RHBDL2: variants seen among roughly 807,000 people sequenced by gnomAD.
RHBDL2 encodes the protein rhomboid-related protein 2.
In RHBDL2, 26 loss-of-function variants were observed where a neutral mutation model predicts 31.7. The ratio of observed to expected loss-of-function variants is 0.82; its 90% CI spans 0.60 to 1.14. The LOEUF is 1.14. Ranked by LOEUF, RHBDL2 falls within the 50% of genes most tolerant of loss-of-function variation. The pLI, the probability that RHBDL2 is intolerant of heterozygous loss-of-function variation, is 0.00. For synonymous variants in RHBDL2, 123 were observed against 127.2 expected (o/e 0.97, Z 0.22); for missense variants, 336 against 364.4 (o/e 0.92, Z 0.63).
intron 4 of RHBDL2, among the ~76,000 whole-genome samples, chr1:38,906,569 G>A (rs1643070351): frequency 6.6e-6 from 1 of 151,964 alleles, no homozygotes; most frequent in African/African-American, 2.4e-5. Context: ...AGCTACTCGG[G>A]AGGCTGAGGC....
chr1:38,897,319 C>G (rs1642931086), intron 4 of RHBDL2, among the ~76,000 whole-genome samples: 2 of 152,120 alleles, frequency 1.3e-5, no homozygotes, highest in South Asian at 4.1e-4. Flanking sequence ...CCAGGATGGT[C>G]TCGATCTCCT....
At chr1:38,907,749 A>C (rs74807278) in intron 4 of RHBDL2, among the ~76,000 whole-genome samples, 3,142 of 152,274 alleles carry the variant, frequency 0.021, 118 homozygotes, top group African/African-American at 0.068. Flanking sequence ...CTAAAAGTGA[A>C]CAAACAAATA....
intron 6 of RHBDL2, among the ~76,000 whole-genome samples, chr1:38,892,929 C>G (rs1241545027): frequency 6.6e-6 from 1 of 152,208 alleles, no homozygotes. Context: ...CACCAACCAG[C>G]TCCCAAAGGC....
At position 38,896,172 on chromosome 1, in the gene RHBDL2, C is replaced by T. The variant is rs892881343; in HGVS notation, c.509-103G>A. The stretch of plus-strand genomic sequence containing the variant: ...ATTTGGGAAGTCTGGTCTATTATCA[C>T]ATTAGCAAGCAACAAATCTATTTTG... On this transcript the variant is annotated intron_variant, in intron 4 of 7. Transcript: ENST00000372990. 1.4e-4 allele frequency: 108 copies of T among 791,160 alleles called. 1 individual carries two copies. In the African/African-American group the frequency reaches 1.7e-3, roughly 12 times the overall value. The allele number at this position is 791,160 out of a possible 1,614,324, so 49.0% of individuals were successfully genotyped here. A position where few individuals can be genotyped will look rare whatever the true frequency, so the allele number is the denominator to read the frequency against.
chr1:38,904,266 T>C (rs1643032016), intron 4 of RHBDL2, among the ~76,000 whole-genome samples: 1 of 151,662 alleles, frequency 6.6e-6, no homozygotes, highest in African/African-American at 2.4e-5. Context: ...GTCAGGAGTT[T>C]GAGACCAGTC....
intron 1 of RHBDL2, among the ~76,000 whole-genome samples, chr1:38,935,364 A>G (rs1357079746): frequency 6.6e-6 from 1 of 152,262 alleles, no homozygotes; most frequent in Non-Finnish European, 1.5e-5. Context: ...TAAGTTTAAT[A>G]TAGCATAATG....
At chr1:38,927,199 G>A (rs1174312808) in intron 1 of RHBDL2, among the ~76,000 whole-genome samples, 4 of 152,132 alleles carry the variant, frequency 2.6e-5, no homozygotes, top group Admixed American at 2.6e-4. Context: ...AGGCCAAGGC[G>A]GGTGGATCAC....
intron 4 of RHBDL2, among the ~76,000 whole-genome samples, chr1:38,902,201 C>CTTTTTTTTTTTTTTTTTTTTTTTTTTT (rs770169792): frequency 6.5e-5 from 6 of 92,806 alleles, no homozygotes; most frequent in Non-Finnish European, 8.2e-5. Flanking sequence ...TTTTCTTTTT[C>CTTTTTTTTTTTTTTTTTTTTTTTTTTT]TTTTTTTTTT....
intron 4 of RHBDL2, 22 bp downstream of exon 4, chr1:38,911,300 T>C (rs2124325218): frequency 1.4e-6 from 2 of 1,472,934 alleles, no homozygotes; most frequent in Non-Finnish European, 9.5e-7. Flanking sequence ...GTATTGATTC[T>C]GTGTTACCTC....
intron 1 of RHBDL2, among the ~76,000 whole-genome samples, chr1:38,920,968 G>A (rs186809681): frequency 5.5e-4 from 83 of 152,204 alleles, no homozygotes; most frequent in Non-Finnish European, 1.1e-3. Flanking sequence ...ATACCTATGA[G>A]TGGAATTGCT....
chr1:38,936,516 T>C (rs1460041443), intron 1 of RHBDL2, among the ~76,000 whole-genome samples: 11 of 149,660 alleles, frequency 7.3e-5, no homozygotes, highest in East Asian at 2.0e-4. Context: ...TTTTTTTTTT[T>C]CAAGATGGAG....
At chr1:38,939,041 C>T (rs1225850967) in intron 1 of RHBDL2, among the ~76,000 whole-genome samples, 1 of 152,168 alleles carries the variant, frequency 6.6e-6, no homozygotes, top group Non-Finnish European at 1.5e-5. Flanking sequence ...CAGGATCATG[C>T]TTATGATCCC....
intron 1 of RHBDL2, among the ~76,000 whole-genome samples, chr1:38,939,095 T>C (rs533765412): frequency 1.1e-3 from 164 of 152,296 alleles, no homozygotes; most frequent in African/African-American, 3.8e-3. Context: ...AACAGAGCAC[T>C]TGATTTAATG....
intron 3 of RHBDL2, among the ~76,000 whole-genome samples, chr1:38,914,653 C>T (rs886995880): frequency 6.6e-6 from 1 of 152,100 alleles, no homozygotes; most frequent in Non-Finnish European, 1.5e-5. Flanking sequence ...ACTAGGGGAA[C>T]ATGCTTTTGG....
chr1:38,898,503 C>T (rs1642947076), intron 4 of RHBDL2, among the ~76,000 whole-genome samples: 1 of 152,044 alleles, frequency 6.6e-6, no homozygotes, highest in Admixed American at 6.6e-5. Flanking sequence ...CACTGGACAA[C>T]ATATAGGAAA....
intron 7 of RHBDL2, among the ~76,000 whole-genome samples, 156 bp from the exon 8 acceptor site, chr1:38,886,839 T>C (rs1642791070): frequency 6.6e-6 from 1 of 152,074 alleles, no homozygotes; most frequent in Non-Finnish European, 1.5e-5. Flanking sequence ...GACACAAAAC[T>C]CCATGTGCAC....
At chr1:38,890,731 G>C (rs368031275) in intron 6 of RHBDL2, among the ~76,000 whole-genome samples, 5 of 149,142 alleles carry the variant, frequency 3.4e-5, no homozygotes, top group Non-Finnish European at 5.9e-5. Context: ...AGACAACCTC[G>C]CTCTGCTGCC....
intron 1 of RHBDL2, among the ~76,000 whole-genome samples, chr1:38,939,976 T>A (rs34297903): frequency 6.6e-6 from 1 of 152,042 alleles, no homozygotes; most frequent in Non-Finnish European, 1.5e-5. Flanking sequence ...GCCCCCAGCC[T>A]GGTCTTTCTA....
At chr1:38,928,093 GAAAT>G (rs963481289) in intron 1 of RHBDL2, among the ~76,000 whole-genome samples, 2 of 150,622 alleles carry the variant, frequency 1.3e-5, no homozygotes, top group Admixed American at 6.6e-5. Context: ...TCCTGTCTCT[GAAAT>G]AAATAAATAA....
Sources: gnomAD v4.1 joint callset for allele counts (sites outside exome capture counted in the v4.1 genomes callset) on GRCh38, gnomAD v4.1.1 for gene constraint, MANE v1.5 for transcripts, NCBI Gene and HGNC (gene_info 2026-07-23, HGNC 2026-07-21) for gene names.